The following CAMTA1 variants were observed in gnomAD, a reference collection of about 807,000 sequenced individuals.
The protein encoded by CAMTA1 is calmodulin binding transcription activator 1, also known as calmodulin-binding transcription activator 1.
Under a neutral mutation model 170.9 loss-of-function variants are expected in CAMTA1, and 27 were observed. That is an observed-to-expected ratio of 0.16 (90% CI 0.12 to 0.22). CAMTA1 has a LOEUF of 0.22. CAMTA1 is among the 10% of genes least tolerant of loss of function. CAMTA1 has a pLI of 1.00. For synonymous variants in CAMTA1, 833 were observed against 891.5 expected (o/e 0.93, Z 1.17); for missense variants, 1,619 against 2,217.2 (o/e 0.73, Z 5.42).
chr1:7,027,856 T>G (rs1338694913), intron 3 of CAMTA1, among the ~76,000 whole-genome samples: 1 of 152,140 alleles, frequency 6.6e-6, no homozygotes, highest in African/African-American at 2.4e-5. Context: ...TAGTAATGCT[T>G]AGATGTTCTT....
chr1:7,453,702 TC>T (rs2092884225), intron 5 of CAMTA1, among the ~76,000 whole-genome samples: 1 of 152,224 alleles, frequency 6.6e-6, no homozygotes, highest in African/African-American at 2.4e-5. Flanking sequence ...CCATTGGCCT[TC>T]CCTGCTCTCT....
intron 3 of CAMTA1, among the ~76,000 whole-genome samples, chr1:7,048,566 G>A (rs764904728): frequency 5.9e-5 from 9 of 152,196 alleles, no homozygotes; most frequent in African/African-American, 1.2e-4. Flanking sequence ...AGCACCTGCC[G>A]AGTGAGCAGT....
chr1:7,489,072 T>G (rs2093663402), intron 6 of CAMTA1, among the ~76,000 whole-genome samples: 1 of 152,142 alleles, frequency 6.6e-6, no homozygotes, highest in African/African-American at 2.4e-5. Context: ...TCTCCCCACC[T>G]CAGTCACCTT....
At position 6,918,275 on chromosome 1, in the gene CAMTA1, A is replaced by AT. The variant is rs1406537554; in HGVS notation, c.234+93072dup. On this transcript the variant is annotated intron_variant, in intron 3 of 22. Coordinates refer to ENST00000303635, the MANE Select transcript of CAMTA1 (RefSeq NM_015215.4). The surrounding 1 kb of genome is among the most constrained non-coding windows in gnomAD (Gnocchi z 4.0). ...CTGGAGAGTACTGAAGAAGAATAATATTTTTTTAATCTAAAAGAACTTTAC... is the reference window on the plus strand; with the variant it reads ...CTGGAGAGTACTGAAGAAGAATAATATTTTTTTTAATCTAAAAGAACTTTAC... 2.6e-5 allele frequency among the ~76,000 whole-genome samples: 4 copies of AT among 152,102 alleles called. No individual in the cohort carries two copies. The highest frequency in any genetic ancestry group is 5.9e-5 in the Non-Finnish European group (4 of 68,006).
rs1000256375 is a variant in CAMTA1 at position 6,965,369 on chromosome 1, AT to A, written c.235-125933del. 2.0e-5 allele frequency among the ~76,000 whole-genome samples: 3 copies of A among 152,156 alleles called. No individual in the cohort carries two copies. Among genetic ancestry groups the A allele is most frequent in the African/African-American group, 7.2e-5 (3 of 41,422 alleles). On this transcript the variant is annotated intron_variant, in intron 3 of 22. Transcript: ENST00000303635. This position sits in a 1 kb window ranked among gnomAD's most constrained non-coding sequence, Gnocchi z 4.1. ...AGCCAGCTCTAACTTGAGCAGAGGC[AT>A]TCTGTTGTTATAAATAAGGCTGGTT...
chr1:7,329,932 C>G (rs182391388), intron 5 of CAMTA1, among the ~76,000 whole-genome samples: 1 of 152,108 alleles, frequency 6.6e-6, no homozygotes, highest in South Asian at 2.1e-4. Flanking sequence ...TAAGAAGGCT[C>G]TCTCTCCCAC....
intron 5 of CAMTA1, among the ~76,000 whole-genome samples, chr1:7,317,305 G>A (rs975986727): frequency 1.3e-5 from 2 of 152,184 alleles, no homozygotes; most frequent in Non-Finnish European, 2.9e-5. Flanking sequence ...AGCAGCTTAG[G>A]TTAGTTAGCT....
intron 3 of CAMTA1, among the ~76,000 whole-genome samples, chr1:7,005,975 G>A (rs1431820304): frequency 5.9e-5 from 9 of 152,220 alleles, no homozygotes; most frequent in African/African-American, 7.2e-5. Flanking sequence ...CCAGGGCAGG[G>A]TCTGTTGGCG....
At chr1:6,926,557 CTTCT>C (rs1000193113) in intron 3 of CAMTA1, among the ~76,000 whole-genome samples, 5 of 119,402 alleles carry the variant, frequency 4.2e-5, no homozygotes, top group African/African-American at 6.5e-5. Flanking sequence ...TCCTTCCTTC[CTTCT>C]TTCTCTCTCT....
intron 16 of CAMTA1, among the ~76,000 whole-genome samples, chr1:7,739,594 A>G (rs1025288440): frequency 6.6e-6 from 1 of 152,222 alleles, no homozygotes; most frequent in Non-Finnish European, 1.5e-5. Context: ...TCACAATCAT[A>G]GCAGAAGGCG....
chr1:7,697,413 G>A (rs953973598), intron 11 of CAMTA1, among the ~76,000 whole-genome samples: 2 of 152,174 alleles, frequency 1.3e-5, no homozygotes, highest in South Asian at 2.1e-4. Flanking sequence ...CTGGGGATTC[G>A]AACTCAGGGC....
intron 3 of CAMTA1, among the ~76,000 whole-genome samples, chr1:6,846,026 C>G (rs1344216774): frequency 2.0e-5 from 3 of 152,156 alleles, no homozygotes; most frequent in Non-Finnish European, 4.4e-5. Flanking sequence ...ATAAAACCAT[C>G]AGATCTCTTG....
intron 5 of CAMTA1, among the ~76,000 whole-genome samples, chr1:7,277,465 G>GTGTGTGTGTGTA (rs1553119346): frequency 3.6e-5 from 5 of 138,850 alleles, no homozygotes; most frequent in African/African-American, 1.1e-4. Flanking sequence ...TGGTGTGTGT[G>GTGTGTGTGTGTA]TGTGTGTGTG....
chr1:6,813,229 T>TA (rs1244737649), intron 1 of CAMTA1, among the ~76,000 whole-genome samples: 1 of 152,226 alleles, frequency 6.6e-6, no homozygotes, highest in Non-Finnish European at 1.5e-5. Context: ...AGAATAAAGT[T>TA]ACTTGGGCTT....
At chr1:7,388,748 C>T (rs1347518696) in intron 5 of CAMTA1, among the ~76,000 whole-genome samples, 1 of 152,206 alleles carries the variant, frequency 6.6e-6, no homozygotes, top group Non-Finnish European at 1.5e-5. Flanking sequence ...GCGTTCCTGC[C>T]CATCTCCACT....
At chr1:7,648,159 T>A (rs2095822544) in intron 7 of CAMTA1, among the ~76,000 whole-genome samples, 1 of 152,130 alleles carries the variant, frequency 6.6e-6, no homozygotes, top group African/African-American at 2.4e-5. Flanking sequence ...TTCGGGAGGC[T>A]GAGGCAGGTA....
intron 6 of CAMTA1, among the ~76,000 whole-genome samples, chr1:7,615,690 G>A (rs943582394): frequency 1.4e-4 from 21 of 152,326 alleles, no homozygotes; most frequent in African/African-American, 5.1e-4. Context: ...TTCGTTTGGA[G>A]GATGTGTGTT....
intron 6 of CAMTA1, among the ~76,000 whole-genome samples, chr1:7,586,541 G>A (rs981739964): frequency 2.0e-5 from 3 of 152,120 alleles, no homozygotes; most frequent in African/African-American, 4.8e-5. Context: ...CCTGCTCCAG[G>A]GCCCAGGCCT....
At chr1:6,909,257 A>G (rs751094218) in intron 3 of CAMTA1, among the ~76,000 whole-genome samples, 15 of 152,256 alleles carry the variant, frequency 9.9e-5, no homozygotes, top group African/African-American at 3.1e-4. Flanking sequence ...AAAGTCACCT[A>G]ATACTACTTA....
Sources: gnomAD v4.1 joint callset for allele counts (sites outside exome capture counted in the v4.1 genomes callset) on GRCh38, gnomAD v4.1.1 for gene constraint, Gnocchi (gnomAD v3.1) non-coding constraint, MANE v1.5 for transcripts, NCBI Gene and HGNC (gene_info 2026-07-23, HGNC 2026-07-21) for gene names.